The following NOSIP variants were observed in gnomAD, a reference collection of about 807,000 sequenced individuals.
The protein encoded by NOSIP is nitric oxide synthase interacting protein, also known as nitric oxide synthase-interacting protein.
NOSIP carries 25 observed loss-of-function variants against 36.4 expected under a neutral mutation model. The observed-to-expected ratio is 0.69, with a 90% confidence interval of 0.50 to 0.96. The LOEUF is 0.96. Among genes scored for constraint, NOSIP ranks in the 40% least tolerant of loss-of-function variants. NOSIP has a pLI of 0.00. For missense variants in NOSIP, 370 were observed against 429.0 expected, an observed-to-expected ratio of 0.86 and a Z score of 1.21; for synonymous variants, 187 against 179.2, an observed-to-expected ratio of 1.04 and a Z score of -0.35.
chr19:49,576,464 C>G (rs990833901), intron 1 of NOSIP, among the ~76,000 whole-genome samples: 2 of 151,846 alleles, frequency 1.3e-5, no homozygotes, highest in African/African-American at 2.4e-5. Context: ...GTGGTCCCAG[C>G]TACTTGGGAG....
chr19:49,567,106 G>A (rs576747374), intron 1 of NOSIP, among the ~76,000 whole-genome samples: 5 of 144,650 alleles, frequency 3.5e-5, no homozygotes, highest in Non-Finnish European at 6.0e-5. Flanking sequence ...ATGAGCCACC[G>A]TGCCCAGCCA....
At position 49,556,620 on chromosome 19, in the gene NOSIP, G is replaced by C. The variant is rs1258023650; in HGVS notation, c.654C>G (p.Ser218Arg). Residue 218 changes from serine to arginine, a missense_variant, in exon 7 of 9, where the codon AGC becomes AGG. This residue lies in a region of NOSIP where 315 missense variants were observed against 331.9 expected (regional missense o/e 0.95). Transcript: ENST00000596358. Reference sequence around the variant, plus strand: ...GGGTCACGGCACACACGTAGCGCTCGCTGCGGGTGATGAGCCCCACGCGGT... The same window carrying C: ...GGGTCACGGCACACACGTAGCGCTCCCTGCGGGTGATGAGCCCCACGCGGT... ...SVDRVGLITR[S>R]ERYVCAVTRD... The C allele has an allele frequency of 9.3e-6, 15 of 1,608,434 alleles. No homozygotes were observed. Among genetic ancestry groups the C allele is most frequent in the African/African-American group, 1.3e-5 (1 of 75,036 alleles).
At chr19:49,570,221 A>C (rs982369217) in intron 1 of NOSIP, among the ~76,000 whole-genome samples, 60 of 152,302 alleles carry the variant, frequency 3.9e-4, no homozygotes, top group African/African-American at 1.4e-3. Flanking sequence ...TGCAAGTAGG[A>C]TCCAGAAGTT....
intron 1 of NOSIP, chr19:49,579,308 T>C (rs891485108): frequency 1.3e-5 from 2 of 152,198 alleles, no homozygotes; most frequent in Non-Finnish European, 1.5e-5. Context: ...ATAAAATTTA[T>C]AGAAGGTCAT....
chr19:49,572,406 C>CTTT lies in NOSIP; in HGVS notation c.-2+8106_-2+8108dup, dbSNP rs35209614. Among the ~76,000 whole-genome samples, 288 of 97,926 alleles carry CTTT rather than the reference C, an allele frequency of 2.9e-3. 2 individuals carry two copies. Among genetic ancestry groups the CTTT allele is most frequent in the East Asian group, 7.2e-3 (23 of 3,174 alleles). 64.2% of individuals were successfully genotyped at this position (97,926 alleles called of 152,430 possible). ...ACAAGCATGAGTCACTGCACCCAGC[C>CTTT]TTTTTTTTTTTTTTTTTTTTTTGAG... On this transcript the variant is annotated intron_variant, in intron 1 of 8. Transcript: ENST00000596358.
intron 1 of NOSIP, among the ~76,000 whole-genome samples, chr19:49,570,867 A>T (rs561803435): frequency 1.3e-5 from 2 of 152,204 alleles, no homozygotes; most frequent in African/African-American, 4.8e-5. Context: ...CCCAGAGATG[A>T]GCTTGCTTGC....
chr19:49,556,725 C>A lies in NOSIP; in HGVS notation c.549G>T (p.Val183=). 6.2e-7 allele frequency: 1 copy of A among 1,606,456 alleles called. No homozygotes were observed. Among genetic ancestry groups the A allele is most frequent in the African/African-American group, 1.3e-5 (1 of 74,878 alleles). ...ATKLEKPSRT[V]TCPMSGKPLR... is the part of the protein sequence containing the mutation. ...GGGGCTTCCCTGACATGGGGCAGGT[C>A]ACCGTGCGGGACTGCAAGGGGCAGA... The change falls in exon 7 of 9, where the codon GTG becomes GTT. Residue 183 remains valine (V), a synonymous_variant. Transcript: ENST00000596358.
intron 1 of NOSIP, among the ~76,000 whole-genome samples, chr19:49,573,163 C>T: frequency 6.6e-6 from 1 of 152,156 alleles, no homozygotes; most frequent in East Asian, 1.9e-4. Context: ...GTGAGTCCTA[C>T]AGCTGTGTTT....
intron 4 of NOSIP, 113 bp downstream of exon 4, chr19:49,558,784 A>C: frequency 1.2e-6 from 1 of 855,478 alleles, no homozygotes; most frequent in Non-Finnish European, 2.0e-6. Context: ...GGGGAGGGGA[A>C]TGGTGTACCA....
At chr19:49,562,133 T>A (rs1185668723) in intron 1 of NOSIP, among the ~76,000 whole-genome samples, 1 of 152,078 alleles carries the variant, frequency 6.6e-6, no homozygotes, top group Non-Finnish European at 1.5e-5. Context: ...TGTTTGTTTG[T>A]TTTTTGAGAC....
rs1568721788 is a variant in NOSIP, at chr19:49,557,095, CTGGTGCCCG to C, written c.404_412del (p.Ser135_Ser138delinsCys). 6.2e-7 allele frequency: 1 copy of C among 1,611,186 alleles called. No homozygotes were observed. The highest frequency in any genetic ancestry group is 1.3e-5 in the African/African-American group (1 of 75,024). ...AGAAGCCCAACCTGAGTCACCTGGG[CTGGTGCCCG>C]AGAGGGCCTTGGCTGTGAAAGGGTT... On this transcript the variant is annotated inframe_deletion, in exon 5 of 9. Coordinates refer to ENST00000596358, the MANE Select transcript of NOSIP (RefSeq NM_001270960.2).
chr19:49,575,494 C>A (rs1248537998), intron 1 of NOSIP, among the ~76,000 whole-genome samples: 1 of 152,096 alleles, frequency 6.6e-6, no homozygotes, highest in Non-Finnish European at 1.5e-5. Flanking sequence ...AATGGGGCAC[C>A]CAGGCAGTAT....
intron 1 of NOSIP, among the ~76,000 whole-genome samples, chr19:49,567,331 C>T (rs2080424144): frequency 6.6e-6 from 1 of 150,804 alleles, no homozygotes; most frequent in Admixed American, 6.6e-5. Context: ...CTGTGTTAGC[C>T]AGGATGGTCT....
chr19:49,559,929 C>G lies in NOSIP; in HGVS notation c.176+5G>C. Reference sequence around the variant, plus strand: ...CAGACCTACCCATCCCTGTTCCCAGCTCACGTGACAACAGGATCGTGGCAA... The same window carrying G: ...CAGACCTACCCATCCCTGTTCCCAGGTCACGTGACAACAGGATCGTGGCAA... On this transcript the variant is annotated splice_donor_5th_base_variant and intron_variant, in intron 3 of 8. Transcript: ENST00000596358. 6.2e-7 allele frequency: 1 copy of G among 1,605,334 alleles called. No homozygotes were observed.
chr19:49,567,853 T>A (rs1392806844), intron 1 of NOSIP, among the ~76,000 whole-genome samples: 2 of 151,838 alleles, frequency 1.3e-5, no homozygotes, highest in Non-Finnish European at 1.5e-5. Context: ...TTTGCATTTT[T>A]TTTTTAGTAG....
At chr19:49,565,576 C>T (rs951392978) in intron 1 of NOSIP, among the ~76,000 whole-genome samples, 2 of 151,690 alleles carry the variant, frequency 1.3e-5, no homozygotes, top group African/African-American at 4.8e-5. Flanking sequence ...TATTGAGACC[C>T]CATCTCTACA....
chr19:49,568,481 C>T (rs1384883733), intron 1 of NOSIP, among the ~76,000 whole-genome samples: 1 of 152,094 alleles, frequency 6.6e-6, no homozygotes, highest in Admixed American at 6.6e-5. Context: ...CTGGATTCAC[C>T]TTGGATGCAC....
intron 1 of NOSIP, among the ~76,000 whole-genome samples, chr19:49,563,973 C>T (rs1356729323): frequency 6.6e-6 from 1 of 152,188 alleles, no homozygotes; most frequent in Admixed American, 6.6e-5. Flanking sequence ...CAACACATTT[C>T]TAGACAGTCT....
intron 1 of NOSIP, among the ~76,000 whole-genome samples, chr19:49,576,296 C>T (rs1021563247): frequency 2.6e-5 from 4 of 151,416 alleles, no homozygotes; most frequent in African/African-American, 9.7e-5. Flanking sequence ...AGTTCAAGAC[C>T]AGCCTGAGCA....
Sources: gnomAD v4.1 joint callset for allele counts (sites outside exome capture counted in the v4.1 genomes callset) on GRCh38, gnomAD v4.1.1 for gene constraint, gnomAD v4.1.1 regional missense constraint, MANE v1.5 for transcripts, NCBI Gene and HGNC (gene_info 2026-07-23, HGNC 2026-07-21) for gene names.